The following LRP1B variants were observed in gnomAD, a reference collection of about 807,000 sequenced individuals.
The protein encoded by LRP1B is LDL receptor related protein 1B, also known as low-density lipoprotein receptor-related protein 1B.
In LRP1B, 217 loss-of-function variants were observed where a neutral mutation model predicts 556.6. The observed-to-expected ratio is 0.39, with a 90% CI of 0.35 to 0.44. The LOEUF (loss-of-function observed/expected upper bound fraction) is 0.44. LRP1B is among the 20% of genes least tolerant of loss of function. The pLI is 1.00. For synonymous variants in LRP1B, 2,047 were observed against 1,865.8 expected, an observed-to-expected ratio of 1.10 and a Z score of -2.50; for missense variants, 5,053 against 5,620.8, an observed-to-expected ratio of 0.90 and a Z score of 3.23.
chr2:141,323,890 C>CCA (rs58218723), intron 3 of LRP1B, among the ~76,000 whole-genome samples: 16,821 of 140,432 alleles, frequency 0.12, 1,260 homozygotes, highest in South Asian at 0.22. Context: ...AACAAGGAAA[C>CCA]CACACACACA....
chr2:141,957,715 C>T (rs1309489422), intron 1 of LRP1B, among the ~76,000 whole-genome samples: 16 of 152,014 alleles, frequency 1.1e-4, no homozygotes, highest in Admixed American at 1.0e-3. Context: ...AATTAATCGA[C>T]AACATGGCAT....
intron 7 of LRP1B, among the ~76,000 whole-genome samples, chr2:141,144,437 C>T (rs1469758892): frequency 2.0e-5 from 3 of 152,196 alleles, no homozygotes; most frequent in Admixed American, 2.0e-4. Context: ...TGCAGATGAG[C>T]ACTTTCTATC....
chr2:140,549,864 T>C (rs148354374), intron 43 of LRP1B, among the ~76,000 whole-genome samples: 2 of 152,032 alleles, frequency 1.3e-5, no homozygotes, highest in African/African-American at 4.8e-5. Flanking sequence ...TGTTGTTGTT[T>C]TTTTTTTCAA....
chr2:141,170,962 G>T, intron 7 of LRP1B, among the ~76,000 whole-genome samples: 1 of 152,132 alleles, frequency 6.6e-6, no homozygotes, highest in Middle Eastern at 3.4e-3. Flanking sequence ...AATTATAGTC[G>T]TGTGCTCCCT....
intron 1 of LRP1B, among the ~76,000 whole-genome samples, chr2:142,086,589 C>G (rs1367263887): frequency 6.7e-6 from 1 of 150,012 alleles, no homozygotes; most frequent in African/African-American, 2.5e-5. Flanking sequence ...TCCAGCCTGG[C>G]GACAGAGCAA....
At chr2:140,442,029 C>T (rs1686449470) in intron 66 of LRP1B, among the ~76,000 whole-genome samples, 1 of 152,184 alleles carries the variant, frequency 6.6e-6, no homozygotes, top group African/African-American at 2.4e-5. Flanking sequence ...GAAATGATCA[C>T]TGTCATCTAC....
chr2:141,562,559 A>T (rs1483150), intron 2 of LRP1B, among the ~76,000 whole-genome samples: 4,273 of 152,042 alleles, frequency 0.028, 217 homozygotes, highest in African/African-American at 0.095. Context: ...TAGCTCCATA[A>T]TAAGGGCCAG....
At chr2:142,028,653 G>T (rs6739226) in intron 1 of LRP1B, among the ~76,000 whole-genome samples, 4,801 of 152,034 alleles carry the variant, frequency 0.032, 194 homozygotes, top group East Asian at 0.17. Context: ...AGATATTGTG[G>T]TAACACAAGT....
intron 1 of LRP1B, among the ~76,000 whole-genome samples, chr2:142,015,595 G>A (rs574467636): frequency 4.9e-4 from 74 of 152,114 alleles, no homozygotes; most frequent in Non-Finnish European, 9.6e-4. Flanking sequence ...AACCCCTACA[G>A]AATGAGAGAA....
chr2:140,543,557 A>T (rs1462234484), intron 43 of LRP1B, among the ~76,000 whole-genome samples: 1 of 152,032 alleles, frequency 6.6e-6, no homozygotes, highest in African/African-American at 2.4e-5. Context: ...TATGGCTTCT[A>T]TTATTGACAA....
At chr2:140,396,581 A>G (rs1214958881) in intron 66 of LRP1B, among the ~76,000 whole-genome samples, 1 of 152,198 alleles carries the variant, frequency 6.6e-6, no homozygotes, top group Admixed American at 6.5e-5. Flanking sequence ...TTACTCTACT[A>G]AAAACTGAAG....
At chr2:140,986,956 C>A (rs1400372553) in intron 17 of LRP1B, among the ~76,000 whole-genome samples, 2 of 152,120 alleles carry the variant, frequency 1.3e-5, no homozygotes, top group East Asian at 3.9e-4. Flanking sequence ...AGTAACTTCC[C>A]ATTGGAAAGT....
intron 31 of LRP1B, among the ~76,000 whole-genome samples, chr2:140,825,191 G>A (rs187158427): frequency 6.6e-6 from 1 of 152,132 alleles, no homozygotes; most frequent in Non-Finnish European, 1.5e-5. Flanking sequence ...ATAGGAGTGA[G>A]TGAACTAAAC....
Position 140,385,954 on chromosome 2 carries a change from G to C in LRP1B, c.10470C>G (p.Pro3490=), listed in dbSNP as rs752743011. 1 of 1,613,460 alleles carries C rather than the reference G, an allele frequency of 6.2e-7. No individual in the cohort carries two copies. The highest frequency in any genetic ancestry group is 1.7e-5 in the Admixed American group (1 of 59,958). ...EFQCKNNNCI[P]DHWRCDSQND... ...TTTGGCTATCACACCGCCAGTGATC[G>C]GGAATACAGTTGTTGTTTTTACACT... The change falls in exon 67 of 91, where the codon CCC becomes CCG. Residue 3490 remains proline (P), a synonymous_variant. Transcript: ENST00000389484.
At chr2:140,685,188 A>G (rs978573267) in intron 41 of LRP1B, among the ~76,000 whole-genome samples, 4 of 152,178 alleles carry the variant, frequency 2.6e-5, no homozygotes, top group African/African-American at 9.7e-5. Context: ...GAAAGCAAGT[A>G]CACCTGTTCT....
chr2:141,801,472 G>A (rs958243164), intron 2 of LRP1B, among the ~76,000 whole-genome samples: 2 of 152,048 alleles, frequency 1.3e-5, no homozygotes, highest in Admixed American at 6.6e-5. Context: ...GTGTTGTAAC[G>A]AGATAGCTTT....
chr2:141,190,443 C>T (rs968411511), intron 6 of LRP1B, among the ~76,000 whole-genome samples: 2 of 151,902 alleles, frequency 1.3e-5, no homozygotes, highest in African/African-American at 4.8e-5. Flanking sequence ...ATTTTTTGAT[C>T]AGCCATACAC....
At chr2:141,539,186 T>C (rs1199049184) in intron 2 of LRP1B, among the ~76,000 whole-genome samples, 1 of 145,480 alleles carries the variant, frequency 6.9e-6, no homozygotes, top group Non-Finnish European at 1.6e-5. Context: ...TGTACAGAAA[T>C]AGTGATGACC....
chr2:141,567,269 T>A (rs1303307088), intron 2 of LRP1B, among the ~76,000 whole-genome samples: 1 of 152,078 alleles, frequency 6.6e-6, no homozygotes, highest in Non-Finnish European at 1.5e-5. Context: ...TTTTTCCTAC[T>A]GAAGACAACA....
Sources: gnomAD v4.1 joint callset for allele counts (sites outside exome capture counted in the v4.1 genomes callset) on GRCh38, gnomAD v4.1.1 for gene constraint, MANE v1.5 for transcripts, NCBI Gene and HGNC (gene_info 2026-07-23, HGNC 2026-07-21) for gene names.